PLD5: variants seen among roughly 807,000 people sequenced by gnomAD.
PLD5 encodes the protein phospholipase D family member 5.
In PLD5, 36 loss-of-function variants were observed where a neutral mutation model predicts 61.1. The ratio of observed to expected loss-of-function variants is 0.59; its 90% CI spans 0.45 to 0.78. The LOEUF (loss-of-function observed/expected upper bound fraction) is 0.78, where lower values mean the gene tolerates loss of function less well. Ranked by LOEUF, PLD5 falls within the 30% of genes least tolerant of loss-of-function variation. The probability of loss-of-function intolerance (pLI) is 0.00; values close to 1 mark genes in which losing one functional copy is unlikely to be tolerated. For synonymous variants in PLD5, 243 were observed against 242.8 expected (o/e 1.00, Z -0.01); for missense variants, 515 against 644.4 (o/e 0.80, Z 2.17).
rs2217880 is a variant in PLD5, at chr1:242,171,085, C to T, written c.736-46420G>A. On this transcript the variant is annotated intron_variant, in intron 5 of 9. Coordinates refer to ENST00000536534, the MANE Select transcript of PLD5 (RefSeq NM_001372062.1). ...GCAGAGCAACCCCAAGACACATAAT[C>T]GTCAGATACAACAGGGTTGAAATGA... Among the ~76,000 whole-genome samples the T allele has an allele frequency of 9.2e-3, 1,402 of 152,084 alleles. 19 individuals are homozygous for T. The highest frequency in any genetic ancestry group is 0.032 in the African/African-American group (1,343 of 41,474).
chr1:242,107,404 C>A (rs1661144384), intron 8 of PLD5, among the ~76,000 whole-genome samples: 1 of 143,490 alleles, frequency 7.0e-6, no homozygotes, highest in Admixed American at 7.4e-5. Context: ...AGAGCAAAAC[C>A]CTATCTCAAG....
intron 4 of PLD5, among the ~76,000 whole-genome samples, chr1:242,239,391 C>G (rs538341502): frequency 6.6e-6 from 1 of 152,138 alleles, no homozygotes; most frequent in Non-Finnish European, 1.5e-5. Flanking sequence ...TTTTGAGTTA[C>G]CTTGCATAAT....
intron 2 of PLD5, among the ~76,000 whole-genome samples, chr1:242,309,954 T>G (rs112656946): frequency 6.6e-6 from 1 of 150,974 alleles, no homozygotes; most frequent in South Asian, 2.1e-4. Flanking sequence ...AAATGTACCA[T>G]TTAAAGTTTA....
intron 1 of PLD5, among the ~76,000 whole-genome samples, chr1:242,348,596 T>G (rs1190445497): frequency 6.6e-6 from 1 of 152,202 alleles, no homozygotes; most frequent in Non-Finnish European, 1.5e-5. Context: ...AGCATCATGC[T>G]GTCAATAAAA....
At chr1:242,154,550 C>T (rs191363518) in intron 5 of PLD5, among the ~76,000 whole-genome samples, 108 of 151,974 alleles carry the variant, frequency 7.1e-4, no homozygotes, top group African/African-American at 1.1e-3. Context: ...TTTTTTAGCA[C>T]GAAGGGGTGT....
intron 1 of PLD5, among the ~76,000 whole-genome samples, chr1:242,385,311 G>A (rs1662533886): frequency 6.6e-6 from 1 of 152,176 alleles, no homozygotes; most frequent in South Asian, 2.1e-4. Flanking sequence ...CTTGCATAAT[G>A]TCCTCTGGAA....
At chr1:242,466,490 A>G (rs1359929971) in intron 1 of PLD5, among the ~76,000 whole-genome samples, 1 of 152,136 alleles carries the variant, frequency 6.6e-6, no homozygotes, top group Non-Finnish European at 1.5e-5. Flanking sequence ...GCCTTAAAAA[A>G]GAAGGAAATT....
chr1:242,403,127 C>T (rs1465183388), intron 1 of PLD5, among the ~76,000 whole-genome samples: 5 of 152,162 alleles, frequency 3.3e-5, no homozygotes, highest in African/African-American at 9.6e-5. Flanking sequence ...TTCGGTGAGG[C>T]GGTGCCTTTG....
Position 242,086,054 on chromosome 1 carries a change from G to C in PLD5, c.*3800C>G, listed in dbSNP as rs1659434551. On this transcript the variant is annotated 3_prime_UTR_variant, in exon 10 of 10. Coordinates refer to ENST00000536534, the MANE Select transcript of PLD5 (RefSeq NM_001372062.1). Reference sequence around the variant, plus strand: ...GTATAGCCACAGGCTGGTGGGAAATGAGCTTCTATCCATCCCAGGTTCATC... The same window carrying C: ...GTATAGCCACAGGCTGGTGGGAAATCAGCTTCTATCCATCCCAGGTTCATC... 6.6e-6 allele frequency: 1 copy of C among 152,098 alleles called. No homozygotes were observed. Among genetic ancestry groups the C allele is most frequent in the Non-Finnish European group, 1.5e-5 (1 of 68,014 alleles). 9.4% of individuals were successfully genotyped at this position (152,098 alleles called of 1,614,324 possible).
chr1:242,325,740 T>A (rs1213340223), intron 2 of PLD5, among the ~76,000 whole-genome samples: 1 of 151,986 alleles, frequency 6.6e-6, no homozygotes, highest in African/African-American at 2.4e-5. Context: ...CCTGGAGTAA[T>A]GAGAATAGGC....
At chr1:242,258,802 CTTGGTGG>C in intron 4 of PLD5, among the ~76,000 whole-genome samples, 1 of 152,214 alleles carries the variant, frequency 6.6e-6, no homozygotes, top group Non-Finnish European at 1.5e-5. Flanking sequence ...CGTTGACACT[CTTGGTGG>C]TACAGAGACA....
At chr1:242,238,289 T>G (rs1452610280) in intron 4 of PLD5, among the ~76,000 whole-genome samples, 1 of 152,194 alleles carries the variant, frequency 6.6e-6, no homozygotes, top group Non-Finnish European at 1.5e-5. Flanking sequence ...AGAAGCCATC[T>G]GAATTTAGGG....
intron 1 of PLD5, among the ~76,000 whole-genome samples, chr1:242,511,708 G>A (rs1668915398): frequency 6.6e-6 from 1 of 152,174 alleles, no homozygotes; most frequent in Non-Finnish European, 1.5e-5. Flanking sequence ...TCATGGACAA[G>A]AGGTGACCAG....
At chr1:242,344,579 A>G (rs1660023725) in intron 2 of PLD5, among the ~76,000 whole-genome samples, 1 of 152,190 alleles carries the variant, frequency 6.6e-6, no homozygotes, top group Non-Finnish European at 1.5e-5. Context: ...TAACATTTGC[A>G]TATTATTTAT....
chr1:242,209,403 A>G (rs316856), intron 5 of PLD5: 130,010 of 152,200 alleles, frequency 0.85, 55,949 homozygotes, highest in African/African-American at 0.95. Context: ...CAAATTGAAG[A>G]TCTGTGGCAA....
intron 1 of PLD5, among the ~76,000 whole-genome samples, chr1:242,351,510 T>C (rs934920056): frequency 6.6e-6 from 1 of 152,076 alleles, no homozygotes; most frequent in African/African-American, 2.4e-5. Flanking sequence ...TGAAGGGCAG[T>C]CCCCCTGCAC....
At chr1:242,344,144 C>A (rs1228053801) in intron 2 of PLD5, among the ~76,000 whole-genome samples, 1 of 152,180 alleles carries the variant, frequency 6.6e-6, no homozygotes, top group East Asian at 1.9e-4. Context: ...TGATTAATGA[C>A]CAACAGCTTC....
At chr1:242,404,899 A>ATTTTTTTTTTTTTTTTT (rs1664146802) in intron 1 of PLD5, among the ~76,000 whole-genome samples, 1 of 21,074 alleles carries the variant, frequency 4.7e-5, no homozygotes, top group Non-Finnish European at 8.4e-5. Flanking sequence ...TTTTTTTTTG[A>ATTTTTTTTTTTTTTTTT]GATGTAGTCT....
At chr1:242,333,047 G>C (rs1659284086) in intron 2 of PLD5, among the ~76,000 whole-genome samples, 1 of 152,172 alleles carries the variant, frequency 6.6e-6, no homozygotes, top group Non-Finnish European at 1.5e-5. Flanking sequence ...CAATAGACAT[G>C]AAGGCATGGA....
Sources: allele counts gnomAD v4.1 joint callset (sites outside exome capture counted in the v4.1 genomes callset), GRCh38; gene constraint gnomAD v4.1.1; transcripts MANE v1.5; gene names NCBI Gene and HGNC (gene_info 2026-07-23, HGNC 2026-07-21).